The following LRRTM4 variants were observed in gnomAD, a reference collection of about 807,000 sequenced individuals.
LRRTM4 encodes the protein leucine rich repeat transmembrane neuronal 4.
LRRTM4 carries 25 observed loss-of-function variants against 47.6 expected under a neutral mutation model. The observed-to-expected ratio is 0.53, with a 90% CI of 0.38 to 0.73. The LOEUF is 0.73. Ranked by LOEUF, LRRTM4 falls within the 30% of genes least tolerant of loss-of-function variation. LRRTM4 has a pLI of 0.00. For synonymous variants in LRRTM4, 311 were observed against 269.5 expected (o/e 1.15, Z -1.51); for missense variants, 638 against 713.4 (o/e 0.89, Z 1.20).
chr2:77,293,841 C>T (rs936421236), intron 3 of LRRTM4, among the ~76,000 whole-genome samples: 3 of 152,026 alleles, frequency 2.0e-5, no homozygotes, highest in Non-Finnish European at 2.9e-5. Flanking sequence ...ATAATGAGAC[C>T]GTGATGTCAT....
chr2:76,985,078 A>C (rs6737296), intron 3 of LRRTM4, among the ~76,000 whole-genome samples: 1 of 151,706 alleles, frequency 6.6e-6, no homozygotes, highest in Admixed American at 6.6e-5. Context: ...TCAAAATCCC[A>C]TACATTCAAG....
intron 3 of LRRTM4, among the ~76,000 whole-genome samples, chr2:77,366,879 C>T (rs779340027): frequency 1.3e-5 from 2 of 151,694 alleles, no homozygotes; most frequent in African/African-American, 4.8e-5. Flanking sequence ...GGTCGTTTAG[C>T]CCCCCATCTG....
chr2:77,302,542 T>A (rs1677158572), intron 3 of LRRTM4, among the ~76,000 whole-genome samples: 1 of 152,180 alleles, frequency 6.6e-6, no homozygotes, highest in Admixed American at 6.5e-5. Flanking sequence ...GTTGTTTTGA[T>A]AATTAAATAA....
At chr2:77,372,190 AC>A (rs961862166) in intron 3 of LRRTM4, among the ~76,000 whole-genome samples, 3 of 151,688 alleles carry the variant, frequency 2.0e-5, no homozygotes, top group African/African-American at 7.3e-5. Flanking sequence ...TTAGGAACAA[AC>A]CTGCCATCTG....
chr2:76,949,626 C>G (rs1675435311), intron 3 of LRRTM4, among the ~76,000 whole-genome samples: 1 of 151,888 alleles, frequency 6.6e-6, no homozygotes, highest in African/African-American at 2.4e-5. Flanking sequence ...CCACAGGATA[C>G]AGTGGGAAGA....
intron 3 of LRRTM4, among the ~76,000 whole-genome samples, chr2:77,310,573 C>T (rs540558797): frequency 2.8e-4 from 42 of 152,198 alleles, no homozygotes; most frequent in Middle Eastern, 3.4e-3. Flanking sequence ...GGAAGGGGGA[C>T]AACTGCTCAT....
intron 3 of LRRTM4, among the ~76,000 whole-genome samples, chr2:77,479,519 A>C (rs953470366): frequency 6.6e-6 from 1 of 152,006 alleles, no homozygotes; most frequent in African/African-American, 2.4e-5. Flanking sequence ...ATCTCTCCAG[A>C]CTCCTAAACA....
chr2:77,208,613 T>C (rs1674207193), intron 3 of LRRTM4, among the ~76,000 whole-genome samples: 1 of 152,178 alleles, frequency 6.6e-6, no homozygotes, highest in East Asian at 2.0e-4. Context: ...AAGTCACACA[T>C]ATATATGAAT....
intron 3 of LRRTM4, among the ~76,000 whole-genome samples, chr2:76,835,945 G>A (rs527526460): frequency 1.1e-4 from 16 of 152,042 alleles, no homozygotes; most frequent in South Asian, 6.2e-4. Flanking sequence ...GATTAGCAAC[G>A]TTCTTGAATT....
chr2:77,015,545 C>T (rs1678034724), intron 3 of LRRTM4, among the ~76,000 whole-genome samples: 4 of 151,760 alleles, frequency 2.6e-5, no homozygotes, highest in Admixed American at 2.0e-4. Flanking sequence ...AGGCTGGTCT[C>T]GAACTCCTGA....
chr2:77,036,679 G>A (rs1678848672), intron 3 of LRRTM4, among the ~76,000 whole-genome samples: 1 of 151,682 alleles, frequency 6.6e-6, no homozygotes. Flanking sequence ...TCAATATAGA[G>A]ACTTTCAAAG....
At chr2:77,154,694 C>A (rs1348748732) in intron 3 of LRRTM4, among the ~76,000 whole-genome samples, 1 of 151,906 alleles carries the variant, frequency 6.6e-6, no homozygotes, top group African/African-American at 2.4e-5. Flanking sequence ...GCATAAAATT[C>A]TTTATTATAG....
At chr2:77,357,871 T>C (rs1338703995) in intron 3 of LRRTM4, among the ~76,000 whole-genome samples, 1 of 152,056 alleles carries the variant, frequency 6.6e-6, no homozygotes, top group African/African-American at 2.4e-5. Context: ...TAAAAAATAA[T>C]AGAAAAAATA....
chr2:77,056,422 A>G (rs1484963294), intron 3 of LRRTM4, among the ~76,000 whole-genome samples: 7 of 152,234 alleles, frequency 4.6e-5, no homozygotes, highest in African/African-American at 1.7e-4. Context: ...AAGGGCAACT[A>G]CAAGACTAAG....
At chr2:76,929,694 T>C (rs1674703770) in intron 3 of LRRTM4, among the ~76,000 whole-genome samples, 1 of 152,158 alleles carries the variant, frequency 6.6e-6, no homozygotes, top group Non-Finnish European at 1.5e-5. Flanking sequence ...TACAGGATTA[T>C]GACAAAGCCC....
intron 3 of LRRTM4, among the ~76,000 whole-genome samples, chr2:77,280,760 T>C (rs781270539): frequency 6.6e-6 from 1 of 152,048 alleles, no homozygotes; most frequent in African/African-American, 2.4e-5. Context: ...GTAAAGCATA[T>C]GGCAGTGGCT....
intron 3 of LRRTM4, among the ~76,000 whole-genome samples, chr2:77,244,492 G>C (rs10172639): frequency 0.55 from 82,652 of 151,368 alleles, 22,901 homozygotes; most frequent in African/African-American, 0.6. Flanking sequence ...TTTTGCACCA[G>C]AAGAATGGGA....
intron 3 of LRRTM4, among the ~76,000 whole-genome samples, chr2:77,166,633 G>T (rs1382031067): frequency 6.6e-6 from 1 of 152,070 alleles, no homozygotes; most frequent in South Asian, 2.1e-4. Flanking sequence ...ACAGAATAGA[G>T]CCCTCAGAAA....
intron 3 of LRRTM4, among the ~76,000 whole-genome samples, chr2:76,764,580 G>A (rs1354669009): frequency 3.3e-5 from 5 of 152,154 alleles, no homozygotes; most frequent in Non-Finnish European, 7.4e-5. Context: ...GCAGTGAGCC[G>A]TGATAGAACT....
Sources: gnomAD v4.1 joint callset for allele counts (sites outside exome capture counted in the v4.1 genomes callset) on GRCh38, gnomAD v4.1.1 for gene constraint, MANE v1.5 for transcripts, NCBI Gene and HGNC (gene_info 2026-07-23, HGNC 2026-07-21) for gene names.